Variants in BORA observed in about 807,000 individuals in gnomAD.
BORA encodes BORA aurora kinase A activator, also known as protein aurora borealis.
Under a neutral mutation model 55.8 loss-of-function variants are expected in BORA, and 26 were observed. The ratio of observed to expected loss-of-function variants is 0.47; its 90% confidence interval spans 0.34 to 0.65. The LOEUF (loss-of-function observed/expected upper bound fraction) is 0.65. Among genes scored for constraint, BORA ranks in the 30% least tolerant of loss-of-function variants. The pLI, the probability that BORA is intolerant of heterozygous loss-of-function variation, is 0.01. For synonymous variants in BORA, 201 were observed against 216.9 expected, an observed-to-expected ratio of 0.93 and a Z score of 0.64; for missense variants, 568 against 671.5, an observed-to-expected ratio of 0.85 and a Z score of 1.70.
At chr13:72,751,515 T>C (rs1027870601) in intron 10 of BORA, among the ~76,000 whole-genome samples, 2 of 152,192 alleles carry the variant, frequency 1.3e-5, no homozygotes, top group Non-Finnish European at 2.9e-5. Flanking sequence ...ATACCACATG[T>C]ACTCCCTCAT....
At chr13:72,749,393 G>GTAAACTTAC (rs1251351215) in intron 10 of BORA, among the ~76,000 whole-genome samples, 1 of 152,056 alleles carries the variant, frequency 6.6e-6, no homozygotes, top group African/African-American at 2.4e-5. Flanking sequence ...CTTACAGTCT[G>GTAAACTTAC]TAAACTTACT....
intron 4 of BORA, among the ~76,000 whole-genome samples, chr13:72,735,350 T>A (rs1240572166): frequency 6.6e-6 from 1 of 152,192 alleles, no homozygotes; most frequent in African/African-American, 2.4e-5. Context: ...TAGCACAAAC[T>A]TTGTTTCAAG....
chr13:72,754,684 A>C (rs1321018747), intron 11 of BORA: 1 of 152,726 alleles, frequency 6.5e-6, no homozygotes, highest in Non-Finnish European at 1.5e-5. Context: ...TCTAAACATA[A>C]GTAGAGATAA....
chr13:72,754,561 T>C (rs1029734392), intron 11 of BORA: 1 of 152,194 alleles, frequency 6.6e-6, no homozygotes, highest in African/African-American at 2.4e-5. Context: ...AGTTTTCCTT[T>C]CTGTTGTATG....
chr13:72,744,866 T>G, intron 7 of BORA, 115 bp from the exon 8 acceptor site: 1 of 974,340 alleles, frequency 1.0e-6, no homozygotes, highest in African/African-American at 1.6e-5. Flanking sequence ...CTTTGCCCTC[T>G]TTTTGGGAAA....
chr13:72,749,085 CTTTCTGCTA>C (rs2033211416), intron 10 of BORA, among the ~76,000 whole-genome samples: 2 of 58,008 alleles, frequency 3.4e-5, no homozygotes, highest in African/African-American at 1.5e-4. Context: ...ACATGGTTAG[CTTTCTGCTA>C]GCTTTCTGAG....
chr13:72,746,726 A>C lies in BORA; in HGVS notation c.1097A>C (p.Glu366Ala). 1 of 1,614,126 alleles carries C rather than the reference A, an allele frequency of 6.2e-7. No individual in the cohort carries two copies. Among genetic ancestry groups the C allele is most frequent in the Non-Finnish European group, 8.5e-7 (1 of 1,180,002 alleles). Residue 366 changes from glutamate to alanine, a missense_variant, in exon 10 of 12, where the codon GAG becomes GCG. Physicochemically the swap from Glu to Ala is moderately radical, Grantham distance 107 (BLOSUM62 -1). Transcript: ENST00000390667. The part of the protein sequence containing the change: ...ETQGEDEEDK[E>A]NIPSTDVSSP... ...CAAGGTGAAGATGAGGAAGATAAAG[A>C]GAATATTCCTTCCACAGATGTCTCA... is the stretch of plus-strand genomic sequence containing the variant.
chr13:72,743,944 C>T (rs539788456), intron 6 of BORA, among the ~76,000 whole-genome samples: 13 of 152,088 alleles, frequency 8.5e-5, no homozygotes, highest in Admixed American at 7.2e-4. Context: ...GCCATGTTGC[C>T]CAGGCTGGTC....
chr13:72,735,772 G>C (rs1374120409), intron 4 of BORA, among the ~76,000 whole-genome samples: 1 of 150,968 alleles, frequency 6.6e-6, no homozygotes, highest in African/African-American at 2.4e-5. Context: ...ACCACACGCA[G>C]CTAATTTTGT....
chr13:72,748,378 T>C (rs904889223), intron 10 of BORA, among the ~76,000 whole-genome samples: 2 of 152,212 alleles, frequency 1.3e-5, no homozygotes, highest in Non-Finnish European at 2.9e-5. Flanking sequence ...AATACGCACA[T>C]AGTGTTTTGA....
At chr13:72,744,364 G>A in intron 6 of BORA, 141 bp from the exon 7 acceptor site, 2 of 685,924 alleles carry the variant, frequency 2.9e-6, no homozygotes, top group Non-Finnish European at 4.9e-6. Flanking sequence ...GTATGTGATA[G>A]AATGCAGAAA....
At chr13:72,728,570 A>G (rs1007028742) in intron 1 of BORA, among the ~76,000 whole-genome samples, 7 of 152,206 alleles carry the variant, frequency 4.6e-5, no homozygotes, top group African/African-American at 1.7e-4. Flanking sequence ...AATTGTAGCT[A>G]TAAGTCCTTT....
At chr13:72,754,019 GT>G (rs2033361146) in intron 11 of BORA, 198 bp downstream of exon 11, 1 of 518,082 alleles carries the variant, frequency 1.9e-6, no homozygotes, top group African/African-American at 1.9e-5. Context: ...ACTACAAAGT[GT>G]GCAAAGGTAG....
rs752025723 is a variant in BORA at position 72,737,983 on chromosome 13, G to A, written c.328G>A (p.Val110Ile). Residue 110 changes from valine to isoleucine, a missense_variant, in exon 5 of 12, where the codon GTA becomes ATA. Physicochemically the swap from Val to Ile is conservative, Grantham distance 29. Transcript: ENST00000390667. ...CTAGTTTTTCACTAAAGATGTCATC[G>A]TACCCTCTCCTTGGACTGATCATGA... ...IEEFFTKDVI[V>I]PSPWTDHEGK... The A allele has an allele frequency of 9.4e-6, 15 of 1,592,536 alleles. No individual in the cohort carries two copies. Among genetic ancestry groups the A allele is most frequent in the South Asian group, 5.7e-5 (5 of 88,178 alleles).
intron 10 of BORA, among the ~76,000 whole-genome samples, chr13:72,751,897 G>T (rs1291283858): frequency 6.6e-6 from 1 of 152,118 alleles, no homozygotes; most frequent in Non-Finnish European, 1.5e-5. Context: ...AAAAACATAA[G>T]TAGTAATGGA....
intron 10 of BORA, among the ~76,000 whole-genome samples, chr13:72,748,746 CTCTCTCTCTCTCTT>C (rs144300580): frequency 0.37 from 42,284 of 114,386 alleles, 7,315 homozygotes; most frequent in East Asian, 0.59. Flanking sequence ...CTCTCTCTCT[CTCTCTCTCTCTCTT>C]TTTTATATAG....
In BORA at chr13:72,728,976, A is replaced by C; in HGVS notation, c.36A>C (p.Thr12=). The C allele has an allele frequency of 1.9e-6, 3 of 1,608,400 alleles. No homozygotes were observed. Among genetic ancestry groups the C allele is most frequent in the Non-Finnish European group, 2.5e-6 (3 of 1,178,300 alleles). ...GDVKESKMQI[T]PETPGRIPVL... is the part of the protein sequence containing the mutation. ...TCAAGGAATCAAAGATGCAAATAAC[A>C]CCAGAAACTCCAGGAAGGATCCCTG... Residue 12 remains threonine, a synonymous_variant, in exon 2 of 12, where the codon ACA becomes ACC. Coordinates refer to ENST00000390667, the MANE Select transcript of BORA (RefSeq NM_024808.5).
In BORA at chr13:72,742,757, T is replaced by C. The variant is rs1036812013; in HGVS notation, c.389-780T>C. Among the ~76,000 whole-genome samples the C allele has an allele frequency of 2.0e-4, 11 of 54,742 alleles. No individual in the cohort carries two copies. The East Asian group carries it at 5.6e-3, about 28-fold the overall frequency. The allele number at this position is 54,742 out of a possible 152,430, so 35.9% of individuals were successfully genotyped here. On this transcript the variant is annotated intron_variant, in intron 5 of 11. Coordinates refer to ENST00000390667, the MANE Select transcript of BORA (RefSeq NM_024808.5). ...TGAATGGACTTTTTAAAATGTGATA[T>C]ATATATATATACACACACACACACA...
At chr13:72,743,687 A>G in intron 6 of BORA, 85 bp downstream of exon 6, 2 of 943,644 alleles carry the variant, frequency 2.1e-6, no homozygotes, top group Non-Finnish European at 3.1e-6. Context: ...GTAACACTTT[A>G]CTCTGGAATT....
Sources: allele counts gnomAD v4.1 joint callset (sites outside exome capture counted in the v4.1 genomes callset), GRCh38; gene constraint gnomAD v4.1.1; transcripts MANE v1.5; gene names NCBI Gene and HGNC (gene_info 2026-07-23, HGNC 2026-07-21).